Variants in ZFAT observed in about 807,000 individuals in gnomAD.
ZFAT encodes zinc finger protein ZFAT.
ZFAT carries 64 observed loss-of-function variants against 117.7 expected under a neutral mutation model. The observed-to-expected ratio is 0.54, with a 90% confidence interval of 0.44 to 0.67. The LOEUF (loss-of-function observed/expected upper bound fraction) is 0.67, where lower values mean the gene tolerates loss of function less well. Among genes scored for constraint, ZFAT ranks in the 30% least tolerant of loss-of-function variants. The probability of loss-of-function intolerance (pLI) is 0.00; values close to 1 mark genes in which losing one functional copy is unlikely to be tolerated. For synonymous variants in ZFAT, 679 were observed against 615.0 expected, an observed-to-expected ratio of 1.10 and a Z score of -1.54; for missense variants, 1,433 against 1,584.5, an observed-to-expected ratio of 0.90 and a Z score of 1.62.
At chr8:134,535,196 G>A (rs550201917) in intron 11 of ZFAT, among the ~76,000 whole-genome samples, 2 of 152,134 alleles carry the variant, frequency 1.3e-5, no homozygotes, top group Admixed American at 6.5e-5. Flanking sequence ...CTTCTGTTCT[G>A]GTCCCAATTA....
chr8:134,772,357 A>G, the ZFAT span, among the ~76,000 whole-genome samples: 1 of 152,250 alleles, frequency 6.6e-6, no homozygotes, highest in Admixed American at 6.5e-5. Flanking sequence ...ACTCCAGTGA[A>G]CACACAAATA....
At chr8:134,677,213 G>A (rs1194107341) in intron 1 of ZFAT, among the ~76,000 whole-genome samples, 4 of 151,942 alleles carry the variant, frequency 2.6e-5, no homozygotes, top group African/African-American at 9.7e-5. Flanking sequence ...TAATAAAGAA[G>A]AAAAGAGAGA....
At chr8:134,680,162 T>A (rs1404226585) in intron 1 of ZFAT, among the ~76,000 whole-genome samples, 1 of 149,994 alleles carries the variant, frequency 6.7e-6, no homozygotes, top group Non-Finnish European at 1.5e-5. Context: ...CTTGGGAGGC[T>A]GAGGCAGGAG....
At chr8:134,547,493 TACAGAACTGCCC>T (rs200425969) in intron 11 of ZFAT, among the ~76,000 whole-genome samples, 3,083 of 152,286 alleles carry the variant, frequency 0.02, 50 homozygotes, top group South Asian at 0.07. Flanking sequence ...CCTGGCTCTG[TACAGAACTGCCC>T]ACAGAACTGT....
At chr8:134,807,486 G>A in the ZFAT span, among the ~76,000 whole-genome samples, 2 of 152,046 alleles carry the variant, frequency 1.3e-5, no homozygotes, top group Non-Finnish European at 2.9e-5. Flanking sequence ...CCTAGATTTC[G>A]CATCCCTTAA....
chr8:134,712,638 T>TG (rs1814050630), intron 1 of ZFAT, among the ~76,000 whole-genome samples: 2 of 145,002 alleles, frequency 1.4e-5, no homozygotes, highest in South Asian at 2.2e-4. Context: ...TTTTTTTTTT[T>TG]GCGGCGGGAT....
the ZFAT span, among the ~76,000 whole-genome samples, chr8:134,726,392 T>C: frequency 1.1e-4 from 16 of 152,296 alleles, no homozygotes; most frequent in Admixed American, 3.3e-4. Flanking sequence ...AGGGGCTGCA[T>C]GTGCAGTGTG....
At chr8:134,603,172 G>A (rs141986558) in intron 5 of ZFAT, among the ~76,000 whole-genome samples, 27 of 152,244 alleles carry the variant, frequency 1.8e-4, no homozygotes, top group African/African-American at 6.0e-4. Context: ...GCATGACAGC[G>A]TGGTATGTAT....
the ZFAT span, among the ~76,000 whole-genome samples, chr8:134,783,103 A>C: frequency 6.6e-6 from 1 of 152,304 alleles, no homozygotes; most frequent in Non-Finnish European, 1.5e-5. Flanking sequence ...TAAATAATAC[A>C]CTATATCAAC....
chr8:134,622,486 A>G (rs736003), intron 3 of ZFAT, among the ~76,000 whole-genome samples: 42,828 of 152,058 alleles, frequency 0.28, 6,412 homozygotes, highest in East Asian at 0.53. Flanking sequence ...GTGCCCCTGC[A>G]GGGAGTGAGA....
intron 15 of ZFAT, among the ~76,000 whole-genome samples, chr8:134,493,937 T>G (rs1007852571): frequency 6.6e-6 from 1 of 152,212 alleles, no homozygotes; most frequent in African/African-American, 2.4e-5. Flanking sequence ...CAGAGCAGAT[T>G]CACTAAGAAA....
chr8:134,595,512 C>A (rs1448238168), intron 7 of ZFAT, among the ~76,000 whole-genome samples: 5 of 152,208 alleles, frequency 3.3e-5, no homozygotes, highest in Non-Finnish European at 5.9e-5. Flanking sequence ...CCCCAGATCA[C>A]AGAGACAGAT....
intron 11 of ZFAT, among the ~76,000 whole-genome samples, chr8:134,547,199 T>G (rs1195541112): frequency 2.0e-5 from 3 of 152,244 alleles, no homozygotes; most frequent in Non-Finnish European, 4.4e-5. Context: ...TGGATCCTAA[T>G]GTTCACGGCC....
At chr8:134,706,776 T>C (rs1208633026) in intron 1 of ZFAT, among the ~76,000 whole-genome samples, 2 of 151,890 alleles carry the variant, frequency 1.3e-5, no homozygotes, top group African/African-American at 2.4e-5. Flanking sequence ...GAAAACTTTC[T>C]GGGCTGATGA....
chr8:134,664,476 C>T (rs1401290671), intron 1 of ZFAT, among the ~76,000 whole-genome samples: 1 of 152,218 alleles, frequency 6.6e-6, no homozygotes, highest in African/African-American at 2.4e-5. Flanking sequence ...ATTGCAATCT[C>T]ATATTTAAAA....
the ZFAT span, among the ~76,000 whole-genome samples, chr8:134,816,216 T>C: frequency 6.6e-6 from 1 of 152,206 alleles, no homozygotes; most frequent in Non-Finnish European, 1.5e-5. Context: ...AGAAATTAAA[T>C]GACTTTATCA....
At chr8:134,743,914 A>G in the ZFAT span, among the ~76,000 whole-genome samples, 4 of 152,228 alleles carry the variant, frequency 2.6e-5, no homozygotes, top group Non-Finnish European at 4.4e-5. Flanking sequence ...CTGGTTTCTT[A>G]TTGCAATGGC....
the ZFAT span, among the ~76,000 whole-genome samples, chr8:134,736,879 C>A: frequency 6.6e-6 from 1 of 152,184 alleles, no homozygotes; most frequent in African/African-American, 2.4e-5. Flanking sequence ...AGGCACCATG[C>A]CAGGCCTGAG....
At chr8:134,783,215 G>T in the ZFAT span, among the ~76,000 whole-genome samples, 15 of 152,126 alleles carry the variant, frequency 9.9e-5, no homozygotes, top group African/African-American at 3.6e-4. Flanking sequence ...TTTCTGCTGG[G>T]GTTGGCAAAA....
Sources: gnomAD v4.1 joint callset for allele counts (sites outside exome capture counted in the v4.1 genomes callset) on GRCh38, gnomAD v4.1.1 for gene constraint, MANE v1.5 for transcripts, NCBI Gene and HGNC (gene_info 2026-07-23, HGNC 2026-07-21) for gene names.